The following ABCB1 variants were observed in gnomAD, a reference collection of about 807,000 sequenced individuals.
ABCB1 encodes ATP binding cassette subfamily B member 1.
Under a neutral mutation model 142.0 loss-of-function variants are expected in ABCB1, and 69 were observed. The ratio of observed to expected loss-of-function variants is 0.49; its 90% CI spans 0.40 to 0.59. ABCB1 has a LOEUF of 0.59. Ranked by LOEUF, ABCB1 falls within the 20% of genes least tolerant of loss-of-function variation. ABCB1 has a pLI of 0.00. For missense variants in ABCB1, 1,326 were observed against 1,554.7 expected, an observed-to-expected ratio of 0.85 and a Z score of 2.47; for synonymous variants, 532 against 539.2, an observed-to-expected ratio of 0.99 and a Z score of 0.18.
intron 21 of ABCB1, among the ~76,000 whole-genome samples, chr7:87,524,269 A>C (rs10280101): frequency 0.13 from 19,732 of 152,202 alleles, 1,352 homozygotes; most frequent in African/African-American, 0.17. Flanking sequence ...TATGTTTACC[A>C]CAAGATACTT....
chr7:87,618,932 C>A (rs953339855), intron 1 of ABCB1, among the ~76,000 whole-genome samples: 1 of 152,154 alleles, frequency 6.6e-6, no homozygotes, highest in African/African-American at 2.4e-5. Context: ...CAATGGGATT[C>A]TACCAACAAC....
intron 1 of ABCB1, among the ~76,000 whole-genome samples, chr7:87,657,600 A>G (rs573105609): frequency 1.3e-5 from 2 of 152,106 alleles, no homozygotes; most frequent in African/African-American, 2.4e-5. Flanking sequence ...CCTTCCCACA[A>G]TGTTGACGGA....
At chr7:87,694,099 TG>T (rs1228318601) in intron 1 of ABCB1, 32 of 1,471,222 alleles carry the variant, frequency 2.2e-5, no homozygotes, top group Non-Finnish European at 2.7e-5. Flanking sequence ...TGTGTGTTTT[TG>T]TTTTTTTTTT....
At chr7:87,662,869 C>T (rs938928325) in intron 1 of ABCB1, among the ~76,000 whole-genome samples, 1 of 152,004 alleles carries the variant, frequency 6.6e-6, no homozygotes, top group Non-Finnish European at 1.5e-5. Context: ...CAATAGTCTT[C>T]CAATTCACTA....
chr7:87,524,079 AT>A (rs1259438376), intron 21 of ABCB1, among the ~76,000 whole-genome samples: 1 of 152,152 alleles, frequency 6.6e-6, no homozygotes, highest in Non-Finnish European at 1.5e-5. Flanking sequence ...TCTTACATAA[AT>A]TACCTAACTT....
chr7:87,649,150 T>C (rs551233573), intron 1 of ABCB1, among the ~76,000 whole-genome samples: 1 of 152,278 alleles, frequency 6.6e-6, no homozygotes, highest in African/African-American at 2.4e-5. Flanking sequence ...ATAAAGAGCA[T>C]GAGGGAGTTG....
chr7:87,598,918 G>A (rs932162729), intron 2 of ABCB1, among the ~76,000 whole-genome samples: 1 of 152,100 alleles, frequency 6.6e-6, no homozygotes, highest in African/African-American at 2.4e-5. Context: ...AGCTACTGAG[G>A]GGTTCATTTC....
At position 87,549,334 on chromosome 7, in the gene ABCB1, T is replaced by C. The variant is rs780193650; in HGVS notation, c.1725+14A>G. On this transcript the variant is annotated intron_variant, in intron 14 of 27. Coordinates refer to ENST00000622132, the MANE Select transcript of ABCB1 (RefSeq NM_001348946.2). Reference sequence around the variant, plus strand: ...GCTTATAAATCAGGTTGGTTTGAACTAAGCCTCACTGACCTTATCCAGAGC... The same window carrying C: ...GCTTATAAATCAGGTTGGTTTGAACCAAGCCTCACTGACCTTATCCAGAGC... The C allele has an allele frequency of 6.2e-7, 1 of 1,614,198 alleles. No homozygotes were observed. The highest frequency in any genetic ancestry group is 8.5e-7 in the Non-Finnish European group (1 of 1,180,020).
intron 8 of ABCB1, among the ~76,000 whole-genome samples, chr7:87,559,401 T>G (rs1817453378): frequency 6.6e-6 from 1 of 152,096 alleles, no homozygotes; most frequent in South Asian, 2.1e-4. Context: ...AAAATAGATT[T>G]TTTAATCTGT....
At chr7:87,682,591 G>A (rs996181257) in intron 1 of ABCB1, among the ~76,000 whole-genome samples, 1 of 152,176 alleles carries the variant, frequency 6.6e-6, no homozygotes, top group Non-Finnish European at 1.5e-5. Flanking sequence ...TAGGTGCATT[G>A]TCAATGAGCA....
intron 1 of ABCB1, among the ~76,000 whole-genome samples, chr7:87,676,400 A>G (rs527281492): frequency 2.0e-5 from 3 of 152,040 alleles, no homozygotes; most frequent in South Asian, 2.1e-4. Flanking sequence ...CAACAACAAC[A>G]TTAAAAAATG....
chr7:87,578,692 C>CT (rs35471539), intron 4 of ABCB1, among the ~76,000 whole-genome samples: 2,413 of 102,606 alleles, frequency 0.024, 54 homozygotes, highest in African/African-American at 0.035. Flanking sequence ...AGACTACTTT[C>CT]TTTTTTTTTT....
chr7:87,572,811 A>G (rs912133032), intron 4 of ABCB1, among the ~76,000 whole-genome samples: 6 of 150,624 alleles, frequency 4.0e-5, no homozygotes, highest in African/African-American at 1.5e-4. Context: ...AAAACCAAAT[A>G]CCACGTTTTC....
chr7:87,520,112 C>T (rs1815428937), intron 22 of ABCB1, among the ~76,000 whole-genome samples: 1 of 152,046 alleles, frequency 6.6e-6, no homozygotes, highest in South Asian at 2.1e-4. Context: ...AAGTGGGCAG[C>T]CCTGGGCTTC....
chr7:87,533,816 G>C lies in ABCB1; in HGVS notation c.2482-2319C>G, dbSNP rs1308164438. Among the ~76,000 whole-genome samples, 3 of 152,112 alleles carry C rather than the reference G, an allele frequency of 2.0e-5. 1 individual carries two copies. The Middle Eastern group carries it at 9.5e-3, about 481-fold the overall frequency. On this transcript the variant is annotated intron_variant, in intron 20 of 27. Coordinates refer to ENST00000622132, the MANE Select transcript of ABCB1 (RefSeq NM_001348946.2). ...TCAATCTGTGATAACAGCTACATTG[G>C]GCTTTCCTAGGTTGACAATGTTTGC... is the stretch of plus-strand genomic sequence containing the variant.
At chr7:87,554,937 G>A (rs1295767959) in intron 8 of ABCB1, among the ~76,000 whole-genome samples, 4 of 152,092 alleles carry the variant, frequency 2.6e-5, no homozygotes, top group African/African-American at 4.8e-5. Context: ...AAAAAAAATC[G>A]AAAAACAATG....
chr7:87,598,722 A>G (rs969221737), intron 2 of ABCB1, among the ~76,000 whole-genome samples: 1 of 152,184 alleles, frequency 6.6e-6, no homozygotes, highest in African/African-American at 2.4e-5. Context: ...CAGTATCTCA[A>G]AATCAGTTAC....
At chr7:87,551,303 C>T (rs1474960783) in intron 9 of ABCB1, among the ~76,000 whole-genome samples, 1 of 152,190 alleles carries the variant, frequency 6.6e-6, no homozygotes, top group African/African-American at 2.4e-5. Context: ...AGGCATGGGC[C>T]ACCACACCCA....
In ABCB1 at chr7:87,550,822, A is replaced by G; in HGVS notation, c.1016T>C (p.Leu339Ser). ...GQVLTVFFSV[L>S]IGAFSVGQAS... ...CTGTCCAACACTAAAAGCCCCAATT[A>G]ATACAGAAAAGAATACCTGAGGAAT... The change falls in exon 10 of 28, where the codon TTA becomes TCA. Residue 339 changes from leucine to serine, a missense_variant. Physicochemically the swap from Leu to Ser is moderately radical, Grantham distance 145. Coordinates refer to ENST00000622132, the MANE Select transcript of ABCB1 (RefSeq NM_001348946.2). 1 of 1,611,334 alleles carries G rather than the reference A, an allele frequency of 6.2e-7. No individual in the cohort carries two copies.
Sources: gnomAD v4.1 joint callset for allele counts (sites outside exome capture counted in the v4.1 genomes callset) on GRCh38, gnomAD v4.1.1 for gene constraint, MANE v1.5 for transcripts, NCBI Gene and HGNC (gene_info 2026-07-23, HGNC 2026-07-21) for gene names.